The following PRKN variants were observed in gnomAD, a reference collection of about 807,000 sequenced individuals.
PRKN encodes parkin RBR E3 ubiquitin protein ligase.
PRKN carries 56 observed loss-of-function variants against 59.5 expected under a neutral mutation model. The ratio of observed to expected loss-of-function variants is 0.94; its 90% CI spans 0.76 to 1.18. The LOEUF is 1.18. Among genes scored for constraint, PRKN ranks in the 50% most tolerant of loss-of-function variants. PRKN has a pLI of 0.00. For synonymous variants in PRKN, 250 were observed against 222.1 expected, an observed-to-expected ratio of 1.13 and a Z score of -1.12; for missense variants, 657 against 596.4, an observed-to-expected ratio of 1.10 and a Z score of -1.06.
chr6:161,813,372 G>A (rs796278836), intron 6 of PRKN, among the ~76,000 whole-genome samples: 29 of 152,300 alleles, frequency 1.9e-4, no homozygotes, highest in African/African-American at 7.0e-4. Context: ...GCGAGGCGGT[G>A]CAGTATCTGT....
At chr6:162,562,108 C>A (rs1397344885) in intron 1 of PRKN, among the ~76,000 whole-genome samples, 1 of 152,022 alleles carries the variant, frequency 6.6e-6, no homozygotes, top group Non-Finnish European at 1.5e-5. Context: ...ACTAGCTTAG[C>A]CACAGCAGGA....
At position 161,475,388 on chromosome 6, in the gene PRKN, G is replaced by C. The variant is rs1184730729; in HGVS notation, c.1083+73466C>G. ...AGGAGGGTACTCATTCTCATGCATGGTTTATTGTTCCCAGGTAAACTCAGC... is the reference window on the plus strand; with the variant it reads ...AGGAGGGTACTCATTCTCATGCATGCTTTATTGTTCCCAGGTAAACTCAGC... On this transcript the variant is annotated intron_variant, in intron 9 of 11. Transcript: ENST00000366898. The surrounding 1 kb of genome is among the most constrained non-coding windows in gnomAD (Gnocchi z 5.3). Among the ~76,000 whole-genome samples the C allele has an allele frequency of 6.6e-6, 1 of 152,128 alleles. No homozygotes were observed. The highest frequency in any genetic ancestry group is 2.4e-5 in the African/African-American group (1 of 41,434).
chr6:162,312,519 A>T (rs7744521), intron 2 of PRKN, among the ~76,000 whole-genome samples: 34,948 of 152,074 alleles, frequency 0.23, 7,873 homozygotes, highest in African/African-American at 0.59. Flanking sequence ...GGGCTGACCC[A>T]GGCGATACAA....
Position 162,118,840 on chromosome 6 carries a change from C to T in PRKN, c.535-64666G>A, listed in dbSNP as rs540815312. ...GTGGAGGTGTCCTGGCCTTTGAACA[C>T]GAAGATGATGATGTCTTCCTTGTCA... On this transcript the variant is annotated intron_variant, in intron 4 of 11. Transcript: ENST00000366898. Among the ~76,000 whole-genome samples the T allele has an allele frequency of 5.3e-5, 8 of 152,300 alleles. No homozygotes were observed. In the East Asian group the frequency reaches 5.8e-4, roughly 11 times the overall value.
At chr6:161,418,439 GT>G (rs560920386) in intron 9 of PRKN, among the ~76,000 whole-genome samples, 27 of 152,158 alleles carry the variant, frequency 1.8e-4, no homozygotes, top group Admixed American at 4.6e-4. Context: ...CCTTGACGTG[GT>G]TTGATTTTTC....
At chr6:162,251,606 G>A (rs1050975077) in intron 3 of PRKN, among the ~76,000 whole-genome samples, 1 of 151,916 alleles carries the variant, frequency 6.6e-6, no homozygotes, top group Non-Finnish European at 1.5e-5. Flanking sequence ...CCAAATATTC[G>A]AAATAAAAAT....
chr6:161,641,454 C>T (rs2128158547), intron 7 of PRKN, among the ~76,000 whole-genome samples: 1 of 152,214 alleles, frequency 6.6e-6, no homozygotes, highest in African/African-American at 2.4e-5. Flanking sequence ...TCATTTCTCC[C>T]TATGATTTCA....
chr6:162,475,592 T>TGTGA (rs747869893), intron 1 of PRKN, among the ~76,000 whole-genome samples: 2 of 151,764 alleles, frequency 1.3e-5, no homozygotes, highest in Admixed American at 6.6e-5. Flanking sequence ...TGAGTGTGTG[T>TGTGA]GTGTTTGCAT....
chr6:162,193,947 T>G (rs1486451880), intron 4 of PRKN, among the ~76,000 whole-genome samples: 1 of 152,152 alleles, frequency 6.6e-6, no homozygotes, highest in Non-Finnish European at 1.5e-5. Context: ...TCCTGGAAAT[T>G]CAATATAAAA....
chr6:162,697,525 T>G (rs1410637339), intron 1 of PRKN, among the ~76,000 whole-genome samples: 1 of 152,198 alleles, frequency 6.6e-6, no homozygotes, highest in Non-Finnish European at 1.5e-5. Flanking sequence ...TGTGTTTATG[T>G]CAGGTTCCAC....
chr6:161,720,336 T>C (rs1220216758), intron 7 of PRKN, among the ~76,000 whole-genome samples: 10 of 152,134 alleles, frequency 6.6e-5, no homozygotes, highest in Admixed American at 6.5e-4. Context: ...CTCCCTACCT[T>C]ATGCAGGAGG....
rs1583026980 is a variant in PRKN at position 161,405,948 on chromosome 6, T to C, written c.1084-19071A>G. ...GAATGTCAAGTTAATTTCAAGGATC[T>C]AAAATAAACATATATCTGACACTGG... On this transcript the variant is annotated intron_variant, in intron 9 of 11. Coordinates refer to ENST00000366898, the MANE Select transcript of PRKN (RefSeq NM_004562.3). The surrounding 1 kb of genome is among the most constrained non-coding windows in gnomAD (Gnocchi z 5.1). 6.6e-6 allele frequency among the ~76,000 whole-genome samples: 1 copy of C among 152,106 alleles called. No homozygotes were observed. The highest frequency in any genetic ancestry group is 2.4e-5 in the African/African-American group (1 of 41,406).
At chr6:161,474,612 G>A (rs1017924093) in intron 9 of PRKN, among the ~76,000 whole-genome samples, 4 of 148,210 alleles carry the variant, frequency 2.7e-5, no homozygotes, top group Non-Finnish European at 6.0e-5. Flanking sequence ...TTTTTTTTTC[G>A]GCAATGGAGT....
At chr6:161,753,184 A>G (rs1490870184) in intron 7 of PRKN, among the ~76,000 whole-genome samples, 1 of 152,194 alleles carries the variant, frequency 6.6e-6, no homozygotes, top group African/African-American at 2.4e-5. Context: ...AAATGATATT[A>G]AAGTAATGCT....
intron 1 of PRKN, among the ~76,000 whole-genome samples, chr6:162,556,831 G>A (rs1562382760): frequency 1.3e-5 from 2 of 151,916 alleles, no homozygotes; most frequent in Admixed American, 6.6e-5. Context: ...GCATCTGTGA[G>A]GGAACCTGAG....
intron 1 of PRKN, among the ~76,000 whole-genome samples, chr6:162,570,778 A>G (rs930798342): frequency 1.3e-5 from 2 of 152,208 alleles, no homozygotes; most frequent in East Asian, 3.8e-4. Context: ...GAACCCATGG[A>G]CATAGAGAGT....
intron 9 of PRKN, among the ~76,000 whole-genome samples, chr6:161,537,865 C>T (rs1368743496): frequency 6.6e-6 from 1 of 152,110 alleles, no homozygotes; most frequent in African/African-American, 2.4e-5. Flanking sequence ...GAGGCGGCCA[C>T]GGGAAGAGTG....
intron 4 of PRKN, among the ~76,000 whole-genome samples, chr6:162,071,110 G>A (rs999094793): frequency 1.3e-5 from 2 of 151,890 alleles, no homozygotes; most frequent in Non-Finnish European, 2.9e-5. Context: ...ATCGTGTCAC[G>A]TTTTCATCTG....
intron 1 of PRKN, among the ~76,000 whole-genome samples, chr6:162,634,754 G>C (rs1777645660): frequency 6.6e-6 from 1 of 152,102 alleles, no homozygotes; most frequent in African/African-American, 2.4e-5. Flanking sequence ...CTCCCAAGTA[G>C]CTGGGACTAA....
Sources: allele counts gnomAD v4.1 joint callset (sites outside exome capture counted in the v4.1 genomes callset), GRCh38; gene constraint gnomAD v4.1.1; non-coding constraint Gnocchi (gnomAD v3.1); transcripts MANE v1.5; gene names NCBI Gene and HGNC (gene_info 2026-07-23, HGNC 2026-07-21).